The following GLCCI1 variants were observed in gnomAD, a reference collection of about 807,000 sequenced individuals.
GLCCI1 encodes glucocorticoid induced 1, also known as glucocorticoid-induced transcript 1 protein.
GLCCI1 carries 24 observed loss-of-function variants against 52.2 expected under a neutral mutation model. The ratio of observed to expected loss-of-function variants is 0.46; its 90% CI spans 0.33 to 0.65. The LOEUF (loss-of-function observed/expected upper bound fraction) is 0.65, where lower values mean the gene tolerates loss of function less well. Ranked by LOEUF, GLCCI1 falls within the 30% of genes least tolerant of loss-of-function variation. The probability of loss-of-function intolerance (pLI) is 0.02; values close to 1 mark genes in which losing one functional copy is unlikely to be tolerated. For synonymous variants in GLCCI1, 310 were observed against 276.5 expected (o/e 1.12, Z -1.20); for missense variants, 704 against 701.5 (o/e 1.00, Z -0.04).
chr7:8,036,597 A>G (rs1160842495), intron 3 of GLCCI1, among the ~76,000 whole-genome samples: 1 of 152,226 alleles, frequency 6.6e-6, no homozygotes, highest in Non-Finnish European at 1.5e-5. Context: ...AATTCAGAAT[A>G]TTGATACTAA....
At chr7:8,054,573 A>G (rs1014984716) in intron 3 of GLCCI1, among the ~76,000 whole-genome samples, 4 of 152,082 alleles carry the variant, frequency 2.6e-5, no homozygotes, top group African/African-American at 9.7e-5. Context: ...CTAATTTTCT[A>G]TTGCCATGGT....
intron 3 of GLCCI1, among the ~76,000 whole-genome samples, chr7:8,033,437 C>T (rs1463214112): frequency 2.6e-5 from 4 of 151,954 alleles, no homozygotes; most frequent in Admixed American, 6.6e-5. Flanking sequence ...AAAAGACATT[C>T]GGATTGTAAA....
At chr7:7,998,889 GC>G (rs1193426686) in intron 1 of GLCCI1, among the ~76,000 whole-genome samples, 1 of 151,870 alleles carries the variant, frequency 6.6e-6, no homozygotes, top group Non-Finnish European at 1.5e-5. Flanking sequence ...ATAGGTTGTT[GC>G]CCCCCAAAAT....
At chr7:8,019,667 C>T (rs1335376970) in intron 2 of GLCCI1, among the ~76,000 whole-genome samples, 1 of 152,154 alleles carries the variant, frequency 6.6e-6, no homozygotes, top group African/African-American at 2.4e-5. Flanking sequence ...GCCTACTACA[C>T]ACTGAGGCTA....
At chr7:8,015,946 C>T (rs1291536145) in intron 2 of GLCCI1, among the ~76,000 whole-genome samples, 1 of 152,172 alleles carries the variant, frequency 6.6e-6, no homozygotes, top group Non-Finnish European at 1.5e-5. Context: ...ATTGCTTTCT[C>T]ATGCCTTTGC....
At chr7:7,985,286 G>C (rs1330044491) in intron 1 of GLCCI1, among the ~76,000 whole-genome samples, 1 of 152,084 alleles carries the variant, frequency 6.6e-6, no homozygotes, top group Non-Finnish European at 1.5e-5. Flanking sequence ...AAGAGAAAGA[G>C]AGTAATAGCA....
chr7:8,034,465 G>A (rs1296160101), intron 3 of GLCCI1, among the ~76,000 whole-genome samples: 1 of 152,218 alleles, frequency 6.6e-6, no homozygotes, highest in East Asian at 1.9e-4. Context: ...AGCAAATCAT[G>A]TATTTGATAA....
intron 3 of GLCCI1, among the ~76,000 whole-genome samples, chr7:8,039,087 C>G (rs1781939170): frequency 6.6e-6 from 1 of 151,910 alleles, no homozygotes. Context: ...GTCAGAATGA[C>G]TATTAAAAAG....
At chr7:7,975,543 G>C (rs1485388972) in intron 1 of GLCCI1, among the ~76,000 whole-genome samples, 1 of 152,188 alleles carries the variant, frequency 6.6e-6, no homozygotes, top group Non-Finnish European at 1.5e-5. Flanking sequence ...AACTCAAAAA[G>C]ACTCTAATGT....
intron 4 of GLCCI1, among the ~76,000 whole-genome samples, chr7:8,059,732 A>C (rs1193221528): frequency 6.6e-6 from 1 of 152,238 alleles, no homozygotes; most frequent in South Asian, 2.1e-4. Flanking sequence ...GCTATACAGT[A>C]GACTTACATG....
At chr7:8,074,047 G>C (rs996615159) in intron 6 of GLCCI1, among the ~76,000 whole-genome samples, 5 of 152,178 alleles carry the variant, frequency 3.3e-5, no homozygotes, top group Non-Finnish European at 5.9e-5. Context: ...AGAATTGGGA[G>C]TTGAGGTTTA....
intron 1 of GLCCI1, chr7:7,982,096 A>G (rs1482333054): frequency 4.4e-6 from 2 of 452,316 alleles, no homozygotes; most frequent in Non-Finnish European, 4.4e-6. Context: ...GCTGATCGCA[A>G]GAGAGGAATG....
rs1221551528 is a variant in GLCCI1, at chr7:8,088,931, T to A, written c.*2393T>A. 1 of 152,688 alleles carries A rather than the reference T, an allele frequency of 6.5e-6. No homozygotes were observed. The highest frequency in any genetic ancestry group is 1.5e-5 in the Non-Finnish European group (1 of 68,048). 9.5% of individuals were successfully genotyped at this position (152,688 alleles called of 1,614,324 possible). A position where few individuals can be genotyped will look rare whatever the true frequency, so the allele number is the denominator to read the frequency against. On this transcript the variant is annotated 3_prime_UTR_variant, in exon 8 of 8. Transcript: ENST00000223145. ...ATTGTTTAAATTTTGTATATAATTG[T>A]ACTGTTTAATTCTAGCCATTGCGCT...
rs1780289838 is a variant in GLCCI1, at chr7:7,969,451, T to TCGC, written c.110_112dup (p.Ala37dup). On this transcript the variant is annotated inframe_insertion, in exon 1 of 8. Coordinates refer to ENST00000223145, the MANE Select transcript of GLCCI1 (RefSeq NM_138426.4). The surrounding 1 kb of genome is among the most constrained non-coding windows in gnomAD (Gnocchi z 4.9). ...AGCGCCGCGGGGTCCCCGCCCGCCG[T>TCGC]CGCCGCCGCCGGGAGCGGGAACGGT... is the stretch of plus-strand genomic sequence containing the variant. The TCGC allele has an allele frequency of 1.7e-6, 2 of 1,179,198 alleles. No homozygotes were observed. The highest frequency in any genetic ancestry group is 3.3e-5 in the African/African-American group (2 of 60,394). 73.0% of individuals were successfully genotyped at this position (1,179,198 alleles called of 1,614,324 possible).
At chr7:8,059,053 G>A (rs1188670187) in intron 4 of GLCCI1, among the ~76,000 whole-genome samples, 1 of 152,160 alleles carries the variant, frequency 6.6e-6, no homozygotes, top group Non-Finnish European at 1.5e-5. Context: ...CTTTGAGTAG[G>A]CTGAGGAAGA....
intron 3 of GLCCI1, among the ~76,000 whole-genome samples, chr7:8,044,110 A>C (rs1254563826): frequency 1.3e-5 from 2 of 151,858 alleles, no homozygotes; most frequent in Non-Finnish European, 2.9e-5. Context: ...ATGCCTGGCT[A>C]ATTTTTTTAT....
At chr7:7,972,617 TATATC>T (rs1285386480) in intron 1 of GLCCI1, among the ~76,000 whole-genome samples, 2 of 152,282 alleles carry the variant, frequency 1.3e-5, no homozygotes, top group African/African-American at 4.8e-5. Flanking sequence ...CTAAATAAAT[TATATC>T]ATTATCTGCG....
chr7:8,059,987 C>A, intron 4 of GLCCI1, 109 bp from the exon 5 acceptor site: 2 of 931,738 alleles, frequency 2.1e-6, no homozygotes, highest in Non-Finnish European at 3.2e-6. Context: ...TTTGAAAGGT[C>A]AGAAATAACT....
At chr7:8,051,097 G>A (rs2127957665) in intron 3 of GLCCI1, among the ~76,000 whole-genome samples, 1 of 152,272 alleles carries the variant, frequency 6.6e-6, no homozygotes, top group South Asian at 2.1e-4. Flanking sequence ...GGCAGAATGT[G>A]CATCATCAGA....
Sources: allele counts gnomAD v4.1 joint callset (sites outside exome capture counted in the v4.1 genomes callset), GRCh38; gene constraint gnomAD v4.1.1; non-coding constraint Gnocchi (gnomAD v3.1); transcripts MANE v1.5; gene names NCBI Gene and HGNC (gene_info 2026-07-23, HGNC 2026-07-21).